Variants in DRC7 observed in about 807,000 individuals in gnomAD.
DRC7 encodes dynein regulatory complex subunit 7, also known as coiled-coil domain containing 135.
A neutral mutation model predicts 104.4 loss-of-function variants in DRC7; 80 were observed. The observed-to-expected ratio is 0.77, with a 90% CI of 0.64 to 0.92. The LOEUF is 0.92. Among genes scored for constraint, DRC7 ranks in the 40% least tolerant of loss-of-function variants. DRC7 has a pLI of 0.00. For missense variants in DRC7, 1,034 were observed against 1,141.1 expected (o/e 0.91, Z 1.35); for synonymous variants, 405 against 447.3 (o/e 0.91, Z 1.19).
chr16:57,731,005 C>T lies in DRC7; in HGVS notation c.2466C>T (p.Asp822=), dbSNP rs548935155. ...NQVTLTPEDE[D]LYLSYCSQAM... ...TGACGCTGACACCCGAGGATGAAGACCTGTACCTGAGTTACTGCTCTCAGG... is the reference window on the plus strand; with the variant it reads ...TGACGCTGACACCCGAGGATGAAGATCTGTACCTGAGTTACTGCTCTCAGG... The change falls in exon 18 of 19, where the codon GAC becomes GAT. Residue 822 remains aspartate (D), a synonymous_variant. Coordinates refer to ENST00000360716, the MANE Select transcript of DRC7 (RefSeq NM_001289162.2). The T allele has an allele frequency of 3.0e-4, 481 of 1,613,664 alleles. 7 individuals carry two copies. The South Asian group carries it at 3.2e-3, about 11-fold the overall frequency.
chr16:57,718,593 G>A, intron 9 of DRC7, 118 bp downstream of exon 9: 1 of 1,231,372 alleles, frequency 8.1e-7, no homozygotes, highest in Non-Finnish European at 1.1e-6. Context: ...ACCAGTGATG[G>A]GTTCCTCAAA....
rs1212243248 is a variant in DRC7, at chr16:57,703,978, A to AG, written c.700-898_700-897insG. Among the ~76,000 whole-genome samples, 7 of 151,262 alleles carry AG rather than the reference A, an allele frequency of 4.6e-5. No individual in the cohort carries two copies. In the East Asian group the frequency reaches 1.4e-3, roughly 29 times the overall value. ...GGATACTCTGGCTCCAAAAAAAAAA[A>AG]AAAAAAAAAAAAGCCTCTGAGCTCC... On this transcript the variant is annotated intron_variant, in intron 6 of 18. Transcript: ENST00000360716.
chr16:57,726,816 G>GTGGT lies in DRC7; in HGVS notation c.1975-13_1975-10dup. ...ATGGCAGCCTCTCTGTGTTACTAAG[G>GTGGT]TGGTTGTTGTCCCAGGTGGAGCCCA... On this transcript the variant is annotated splice_polypyrimidine_tract_variant and intron_variant, in intron 14 of 18. Transcript: ENST00000360716. 6.4e-7 allele frequency: 1 copy of GTGGT among 1,557,184 alleles called. No individual in the cohort carries two copies. Among genetic ancestry groups the GTGGT allele is most frequent in the Non-Finnish European group, 8.8e-7 (1 of 1,131,728 alleles).
At chr16:57,709,303 A>G (rs993649882) in intron 8 of DRC7, among the ~76,000 whole-genome samples, 1 of 152,024 alleles carries the variant, frequency 6.6e-6, no homozygotes, top group African/African-American at 2.4e-5. Flanking sequence ...TAATCCTTAT[A>G]CTTTTTCATT....
At chr16:57,718,203 C>G (rs2048864312) in intron 8 of DRC7, 144 bp from the exon 9 acceptor site, 1 of 1,037,608 alleles carries the variant, frequency 9.6e-7, no homozygotes, top group African/African-American at 1.6e-5. Flanking sequence ...CTCAGAGCCA[C>G]CTGGGACTGA....
intron 6 of DRC7, 38 bp from the exon 7 acceptor site, chr16:57,704,838 G>A: frequency 6.2e-7 from 1 of 1,606,344 alleles, no homozygotes; most frequent in Non-Finnish European, 8.5e-7. Context: ...AAGGGGGGAT[G>A]CAGGGCCACT....
At chr16:57,714,129 A>G (rs1398383558) in intron 8 of DRC7, 1 of 172,598 alleles carries the variant, frequency 5.8e-6, no homozygotes, top group African/African-American at 2.4e-5. Context: ...CCGCCATCAC[A>G]CATCCCTTCT....
At position 57,698,023 on chromosome 16, in the gene DRC7, G is replaced by A. The variant is rs1266263874; in HGVS notation, c.74G>A (p.Trp25Ter). The A allele has an allele frequency of 1.2e-6, 2 of 1,613,996 alleles. No homozygotes were observed. The highest frequency in any genetic ancestry group is 2.2e-5 in the South Asian group (2 of 91,078). ...EREEAAEWAE[W>*]ARMEKMMRPV... ...GAGGAGGCGGCCGAGTGGGCTGAAT[G>A]GGCGAGGATGGAGAAAATGATGAGG... The change falls in exon 3 of 19, where the codon TGG becomes TAG. Residue 25 changes from tryptophan to a stop codon, truncating the protein, a stop_gained. Transcript: ENST00000360716. LOFTEE classifies it high-confidence loss of function.
intron 3 of DRC7, 109 bp from the exon 4 acceptor site, chr16:57,698,741 A>T: frequency 1.0e-6 from 1 of 993,026 alleles, no homozygotes; most frequent in Non-Finnish European, 1.5e-6. Context: ...CCTTCTCAGT[A>T]GCCGTGAGGA....
intron 2 of DRC7, 145 bp downstream of exon 2, chr16:57,696,739 T>A (rs2048596531): frequency 6.6e-6 from 1 of 152,284 alleles, no homozygotes; most frequent in African/African-American, 2.4e-5. Context: ...GAGAGTAGGC[T>A]GTGTTACCCC....
Position 57,723,102 on chromosome 16 carries a change from C to T in DRC7, c.1509C>T (p.Phe503=), listed in dbSNP as rs146028807. ...NKTTDLKTDY[F]KPGHPQALRV... is the part of the protein sequence containing the mutation. ...CCACAGACCTGAAGACAGACTACTT[C>T]AAGCCTGGCCACCCCCAGGCTCTGC... The change falls in exon 12 of 19, where the codon TTC becomes TTT. Residue 503 remains phenylalanine, a synonymous_variant. Coordinates refer to ENST00000360716, the MANE Select transcript of DRC7 (RefSeq NM_001289162.2). The T allele has an allele frequency of 6.2e-7, 1 of 1,613,842 alleles. No individual in the cohort carries two copies. Among genetic ancestry groups the T allele is most frequent in the African/African-American group, 1.3e-5 (1 of 75,046 alleles).
In DRC7 at chr16:57,728,229, G is replaced by A. The variant is rs2048994179; in HGVS notation, c.2197-161G>A. Among the ~76,000 whole-genome samples the A allele has an allele frequency of 2.6e-5, 4 of 152,220 alleles. No homozygotes were observed. In the South Asian group the frequency reaches 8.3e-4, roughly 31 times the overall value. ...GCTGTCACCAGTAAACACAGGTCCA[G>A]AGACCAGCATGTGGGCCCTTCTAAG... On this transcript the variant is annotated intron_variant, in intron 16 of 18. Coordinates refer to ENST00000360716, the MANE Select transcript of DRC7 (RefSeq NM_001289162.2).
Position 57,700,277 on chromosome 16 carries a change from A to T in DRC7, c.504+7A>T. On this transcript the variant is annotated splice_region_variant and intron_variant, in intron 5 of 18. Transcript: ENST00000360716. ...GCCTGACCCTCTCAAGCCGGTAAGCACCACTCACAGGCTGCATGCCTGAGC... is the reference window on the plus strand; with the variant it reads ...GCCTGACCCTCTCAAGCCGGTAAGCTCCACTCACAGGCTGCATGCCTGAGC... 6.2e-7 allele frequency: 1 copy of T among 1,611,596 alleles called. No homozygotes were observed. The highest frequency in any genetic ancestry group is 8.5e-7 in the Non-Finnish European group (1 of 1,178,270).
chr16:57,715,024 A>G, intron 8 of DRC7: 1 of 254,682 alleles, frequency 3.9e-6, no homozygotes, highest in Non-Finnish European at 7.8e-6. Context: ...GACAATGTTG[A>G]TTTCTATATA....
Position 57,728,596 on chromosome 16 carries a change from G to A in DRC7, c.2391+12G>A, listed in dbSNP as rs760940086. On this transcript the variant is annotated intron_variant, in intron 17 of 18. Coordinates refer to ENST00000360716, the MANE Select transcript of DRC7 (RefSeq NM_001289162.2). ...CCCGCTTTGAGAAGGTGCCACCAGG[G>A]CCTTTGTTGGGGAGGGGGGGATCTC... 2.6e-6 allele frequency: 4 copies of A among 1,563,356 alleles called. No individual in the cohort carries two copies. In the African/African-American group the frequency reaches 4.1e-5, roughly 16 times the overall value.
At position 57,698,964 on chromosome 16, in the gene DRC7, CCATCTGT is replaced by C; in HGVS notation, c.319_325del (p.His107AlafsTer12). ...CAGACAACTTCTCCCGCCAGTACAG[CCATCTGT>C]GCCCGGACCGCGTGCCCCTCTTCCT... On this transcript the variant is annotated frameshift_variant, in exon 4 of 19. Transcript: ENST00000360716. LOFTEE classifies it high-confidence loss of function. The C allele has an allele frequency of 6.2e-7, 1 of 1,614,230 alleles. No homozygotes were observed. The highest frequency in any genetic ancestry group is 8.5e-7 in the Non-Finnish European group (1 of 1,180,042).
intron 7 of DRC7, 76 bp from the exon 8 acceptor site, chr16:57,707,384 C>T (rs1562791): frequency 0.23 from 311,482 of 1,380,838 alleles, 36,756 homozygotes; most frequent in South Asian, 0.25. Flanking sequence ...GGTTCCCCAG[C>T]CCCAGGGAGA....
chr16:57,722,985 G>A lies in DRC7; in HGVS notation c.1409-17G>A. The A allele has an allele frequency of 1.2e-6, 2 of 1,613,742 alleles. No individual in the cohort carries two copies. Among genetic ancestry groups the A allele is most frequent in the Non-Finnish European group, 1.7e-6 (2 of 1,179,966 alleles). On this transcript the variant is annotated splice_polypyrimidine_tract_variant and intron_variant, in intron 11 of 18. Coordinates refer to ENST00000360716, the MANE Select transcript of DRC7 (RefSeq NM_001289162.2). ...GGGAGCTGGCCTGGCTGCGGCAAGT[G>A]TCCATCGGCCCCACAGGTACCAATA...
Position 57,728,490 on chromosome 16 carries a change from G to T in DRC7, c.2297G>T (p.Cys766Phe). 6.2e-7 allele frequency: 1 copy of T among 1,612,300 alleles called. No individual in the cohort carries two copies. Among genetic ancestry groups the T allele is most frequent in the Non-Finnish European group, 8.5e-7 (1 of 1,179,768 alleles). ...AQLPPGEKLT[C>F]WQAVRLKDEC... ...CTCCCGCCAGGAGAGAAACTAACAT[G>T]CTGGCAGGCGGTGCGCCTCAAGGAT... Residue 766 changes from cysteine (C) to phenylalanine (F), a missense_variant, in exon 17 of 19, where the codon TGC (cysteine) becomes TTC (phenylalanine). Coordinates refer to ENST00000360716, the MANE Select transcript of DRC7 (RefSeq NM_001289162.2).
Sources: allele counts gnomAD v4.1 joint callset (sites outside exome capture counted in the v4.1 genomes callset), GRCh38; gene constraint gnomAD v4.1.1; transcripts MANE v1.5; gene names NCBI Gene and HGNC (gene_info 2026-07-23, HGNC 2026-07-21).